The following COL28A1 variants were observed in gnomAD, a reference collection of about 807,000 sequenced individuals.
COL28A1 encodes the protein collagen alpha-1(XXVIII) chain.
Under a neutral mutation model 150.2 loss-of-function variants are expected in COL28A1, and 161 were observed. That is an observed-to-expected ratio of 1.07 (90% CI 0.94 to 1.22). COL28A1 has a LOEUF of 1.22. Among genes scored for constraint, COL28A1 ranks in the 50% most tolerant of loss-of-function variants. The probability of loss-of-function intolerance (pLI) is 0.00; values close to 1 mark genes in which losing one functional copy is unlikely to be tolerated. For synonymous variants in COL28A1, 552 were observed against 469.7 expected (o/e 1.18, Z -2.26); for missense variants, 1,617 against 1,388.3 (o/e 1.16, Z -2.62).
chr7:7,351,698 T>C (rs113323636), downstream of COL28A1, among the ~76,000 whole-genome samples: 303 of 152,230 alleles, frequency 2.0e-3, 1 homozygote, highest in African/African-American at 6.8e-3. Context: ...TGAGTACATA[T>C]AGACATTAAA....
intron 13 of COL28A1, among the ~76,000 whole-genome samples, chr7:7,483,845 G>C (rs964770540): frequency 6.6e-6 from 1 of 151,848 alleles, no homozygotes; most frequent in Non-Finnish European, 1.5e-5. Flanking sequence ...AATAAATATA[G>C]TTAATAAAAG....
rs202064807 is a variant in COL28A1, at chr7:7,532,886, G to A, written c.-11C>T. The stretch of plus-strand genomic sequence containing the variant: ...ATATCTGTTCCACATTATGGTAGAT[G>A]GTGAAAAATCATCTGTCTTGTAGCA... On this transcript the variant is annotated 5_prime_UTR_variant, in exon 2 of 35. Coordinates refer to ENST00000399429, the MANE Select transcript of COL28A1 (RefSeq NM_001037763.3). 1.1e-5 allele frequency: 17 copies of A among 1,587,380 alleles called. No homozygotes were observed. The East Asian group carries it at 3.1e-4, about 29-fold the overall frequency.
chr7:7,530,977 G>A (rs2348336), intron 3 of COL28A1, among the ~76,000 whole-genome samples: 143,190 of 152,230 alleles, frequency 0.94, 67,413 homozygotes, highest in East Asian at 1. Flanking sequence ...AGACCAACTT[G>A]GTACAAATAT....
intron 7 of COL28A1, 128 bp from the exon 8 acceptor site, chr7:7,515,968 G>A: frequency 1.7e-6 from 1 of 595,336 alleles, no homozygotes; most frequent in Non-Finnish European, 3.0e-6. Context: ...TTAGATCATA[G>A]AAATGTAAAC....
At chr7:7,488,264 A>T (rs930926382) in intron 13 of COL28A1, among the ~76,000 whole-genome samples, 3 of 152,236 alleles carry the variant, frequency 2.0e-5, no homozygotes, top group Non-Finnish European at 2.9e-5. Context: ...TGATTAGTCC[A>T]GTGTATTTTT....
chr7:7,441,891 TA>T (rs35891541), intron 20 of COL28A1, among the ~76,000 whole-genome samples: 9 of 151,196 alleles, frequency 6.0e-5, no homozygotes, highest in Non-Finnish European at 8.9e-5. Flanking sequence ...GGCACCGGTG[TA>T]AAAAAAAAGA....
rs868365737 is a variant in COL28A1, at chr7:7,475,180, G to A, written c.1234-511C>T. Among the ~76,000 whole-genome samples, 4 of 152,150 alleles carry A rather than the reference G, an allele frequency of 2.6e-5. No individual in the cohort carries two copies. The South Asian group carries it at 6.2e-4, about 24-fold the overall frequency. The stretch of plus-strand genomic sequence containing the variant: ...ATTCATGGAAAATCTTCTTAGATAT[G>A]CTCCTACAGTTACATGACGTAAGTG... On this transcript the variant is annotated intron_variant, in intron 14 of 34. Transcript: ENST00000399429.
chr7:7,510,105 A>G (rs1482315696), intron 9 of COL28A1, among the ~76,000 whole-genome samples: 1 of 152,146 alleles, frequency 6.6e-6, no homozygotes, highest in Non-Finnish European at 1.5e-5. Flanking sequence ...AAAGTTTGGT[A>G]TCTTGGTGGC....
At chr7:7,386,635 T>C (rs963892951) in intron 27 of COL28A1, among the ~76,000 whole-genome samples, 4 of 152,166 alleles carry the variant, frequency 2.6e-5, no homozygotes, top group African/African-American at 7.2e-5. Context: ...CAGGAGGGGA[T>C]AGGACCCCTG....
intron 8 of COL28A1, among the ~76,000 whole-genome samples, chr7:7,514,809 TG>T (rs1405239940): frequency 1.3e-5 from 2 of 152,256 alleles, no homozygotes; most frequent in African/African-American, 4.8e-5. Flanking sequence ...CACGTGAAGA[TG>T]CCCCGGGTAG....
At chr7:7,480,741 G>A (rs1287290582) in intron 13 of COL28A1, among the ~76,000 whole-genome samples, 2 of 152,278 alleles carry the variant, frequency 1.3e-5, no homozygotes, top group African/African-American at 2.4e-5. Flanking sequence ...AGGTTCTAGG[G>A]ATAGCAGACA....
chr7:7,489,296 A>G (rs997557881), intron 13 of COL28A1, 93 bp downstream of exon 13: 47 of 782,062 alleles, frequency 6.0e-5, no homozygotes, highest in Middle Eastern at 2.3e-4. Flanking sequence ...AATAGATACA[A>G]GGTGGATTAA....
chr7:7,462,594 C>T (rs1787719623), intron 15 of COL28A1, among the ~76,000 whole-genome samples: 2 of 152,178 alleles, frequency 1.3e-5, no homozygotes, highest in Non-Finnish European at 2.9e-5. Flanking sequence ...CACGGTGGCT[C>T]ACACCTGTAA....
chr7:7,343,672 C>T, the COL28A1 span, among the ~76,000 whole-genome samples: 1 of 151,932 alleles, frequency 6.6e-6, no homozygotes, highest in Non-Finnish European at 1.5e-5. Context: ...GTATATTTTT[C>T]TCATCTTTTT....
intron 19 of COL28A1, 94 bp from the exon 20 acceptor site, chr7:7,443,747 A>G: frequency 6.6e-7 from 1 of 1,524,024 alleles, no homozygotes; most frequent in Non-Finnish European, 8.8e-7. Flanking sequence ...TAGTGGATTC[A>G]GCTGAGACTC....
intron 13 of COL28A1, among the ~76,000 whole-genome samples, chr7:7,487,671 A>G (rs1779701586): frequency 1.3e-5 from 2 of 152,226 alleles, no homozygotes; most frequent in African/African-American, 4.8e-5. Flanking sequence ...TTTTAATTTT[A>G]TAGAAGTTAA....
At chr7:7,478,960 C>T (rs1236057448) in intron 13 of COL28A1, among the ~76,000 whole-genome samples, 5 of 152,240 alleles carry the variant, frequency 3.3e-5, no homozygotes, top group Admixed American at 3.3e-4. Flanking sequence ...GCCGGCTCAG[C>T]CCTCGGCCAT....
intron 13 of COL28A1, among the ~76,000 whole-genome samples, chr7:7,481,879 G>C (rs934968982): frequency 2.0e-5 from 3 of 151,536 alleles, no homozygotes; most frequent in Non-Finnish European, 2.9e-5. Flanking sequence ...TCCCTTTCAG[G>C]GTTTTTTTTT....
upstream of COL28A1, among the ~76,000 whole-genome samples, chr7:7,538,853 T>G (rs1328899016): frequency 6.6e-6 from 1 of 150,698 alleles, no homozygotes; most frequent in Non-Finnish European, 1.5e-5. Context: ...TGATCTAGAG[T>G]AGAAAAAAAA....
Sources: allele counts gnomAD v4.1 joint callset (sites outside exome capture counted in the v4.1 genomes callset), GRCh38; gene constraint gnomAD v4.1.1; transcripts MANE v1.5; gene names NCBI Gene and HGNC (gene_info 2026-07-23, HGNC 2026-07-21).